NTN1: variants seen among roughly 807,000 people sequenced by gnomAD.
NTN1 encodes the protein netrin 1, also known as netrin-1.
Under a neutral mutation model 54.2 loss-of-function variants are expected in NTN1, and 11 were observed. The ratio of observed to expected loss-of-function variants is 0.20; its 90% CI spans 0.13 to 0.34. The LOEUF is 0.34. Among genes scored for constraint, NTN1 ranks in the 10% least tolerant of loss-of-function variants. The pLI, the probability that NTN1 is intolerant of heterozygous loss-of-function variation, is 1.00. For synonymous variants in NTN1, 371 were observed against 382.0 expected (o/e 0.97, Z 0.33); for missense variants, 740 against 893.1 (o/e 0.83, Z 2.18).
chr17:9,114,742 A>T (rs1182612589), intron 2 of NTN1, among the ~76,000 whole-genome samples: 1 of 152,234 alleles, frequency 6.6e-6, no homozygotes, highest in East Asian at 1.9e-4. Context: ...CAACAGAGCG[A>T]GACTGTGTCT....
intron 2 of NTN1, among the ~76,000 whole-genome samples, chr17:9,044,618 C>T (rs1239500439): frequency 1.3e-5 from 2 of 152,006 alleles, no homozygotes; most frequent in Non-Finnish European, 1.5e-5. Flanking sequence ...TGTCAGTGTT[C>T]CGCAGGAATT....
intron 2 of NTN1, among the ~76,000 whole-genome samples, chr17:9,032,548 C>T (rs1461833890): frequency 6.6e-6 from 1 of 152,234 alleles, no homozygotes; most frequent in East Asian, 1.9e-4. Context: ...ATCTCCGTCA[C>T]AAACCACTGC....
intron 2 of NTN1, among the ~76,000 whole-genome samples, chr17:9,083,401 T>C (rs1195867246): frequency 6.6e-6 from 1 of 152,258 alleles, no homozygotes; most frequent in Admixed American, 6.5e-5. Context: ...CAGCTGATTG[T>C]CTGTGGTTTT....
intron 5 of NTN1, among the ~76,000 whole-genome samples, chr17:9,209,631 G>A (rs964676849): frequency 7.9e-5 from 12 of 152,298 alleles, no homozygotes; most frequent in African/African-American, 2.4e-4. Flanking sequence ...AAAGGGCAGG[G>A]CTTCCCTGGG....
chr17:9,067,325 C>T (rs946818878), intron 2 of NTN1, among the ~76,000 whole-genome samples: 1 of 151,428 alleles, frequency 6.6e-6, no homozygotes, highest in Non-Finnish European at 1.5e-5. Context: ...TCTCCTAAGG[C>T]TATTAAATAC....
At chr17:9,010,136 C>T in the NTN1 span, among the ~76,000 whole-genome samples, 2 of 152,188 alleles carry the variant, frequency 1.3e-5, no homozygotes, top group East Asian at 1.9e-4. Context: ...TCAGCAGTCA[C>T]CATGTCCCCA....
At chr17:9,136,273 TAAGAA>T (rs2092281026) in intron 2 of NTN1, among the ~76,000 whole-genome samples, 3 of 152,280 alleles carry the variant, frequency 2.0e-5, no homozygotes, top group Admixed American at 6.5e-5. Context: ...ATAACACTGT[TAAGAA>T]AAGAGTATAG....
At chr17:9,192,154 C>T (rs1238287323) in intron 5 of NTN1, among the ~76,000 whole-genome samples, 1 of 152,154 alleles carries the variant, frequency 6.6e-6, no homozygotes, top group African/African-American at 2.4e-5. Context: ...GTATCCATGA[C>T]CCCATCAGTT....
At chr17:9,204,937 T>TA (rs1436852386) in intron 5 of NTN1, among the ~76,000 whole-genome samples, 3 of 151,814 alleles carry the variant, frequency 2.0e-5, no homozygotes, top group Non-Finnish European at 4.4e-5. Context: ...CATTTTTTTT[T>TA]TTTTCTGAAG....
intron 2 of NTN1, among the ~76,000 whole-genome samples, chr17:9,045,275 T>A (rs566942563): frequency 1.3e-5 from 2 of 152,308 alleles, no homozygotes; most frequent in East Asian, 3.9e-4. Context: ...CAAAGGGGAT[T>A]TGCTGAAATA....
chr17:9,181,547 T>G (rs1393590131), intron 4 of NTN1, among the ~76,000 whole-genome samples: 1 of 152,192 alleles, frequency 6.6e-6, no homozygotes, highest in Middle Eastern at 3.2e-3. Context: ...GGTTTGTTGT[T>G]GCTAATACAG....
At chr17:9,077,846 T>A (rs2092056532) in intron 2 of NTN1, among the ~76,000 whole-genome samples, 1 of 152,178 alleles carries the variant, frequency 6.6e-6, no homozygotes, top group Admixed American at 6.5e-5. Flanking sequence ...AGGACCGGTG[T>A]TCAATGAATG....
chr17:9,110,596 G>A (rs538379274), intron 2 of NTN1, among the ~76,000 whole-genome samples: 36 of 152,196 alleles, frequency 2.4e-4, no homozygotes, highest in African/African-American at 8.2e-4. Context: ...TTCTATCTAG[G>A]TGTGCTAGCT....
At chr17:9,072,297 CAAG>C (rs2092034676) in intron 2 of NTN1, among the ~76,000 whole-genome samples, 1 of 151,392 alleles carries the variant, frequency 6.6e-6, no homozygotes, top group Non-Finnish European at 1.5e-5. Context: ...GACTGTCTGC[CAAG>C]AAGGACCATT....
chr17:9,011,156 T>C, the NTN1 span, among the ~76,000 whole-genome samples: 1 of 152,112 alleles, frequency 6.6e-6, no homozygotes, highest in Non-Finnish European at 1.5e-5. Context: ...ATGCGAGCGA[T>C]GGGGAGTGGT....
At chr17:9,204,174 C>T (rs890619941) in intron 5 of NTN1, among the ~76,000 whole-genome samples, 5 of 125,676 alleles carry the variant, frequency 4.0e-5, no homozygotes, top group Admixed American at 3.8e-4. Flanking sequence ...CCCTTAGTAA[C>T]CGTTCCTTCC....
intron 2 of NTN1, among the ~76,000 whole-genome samples, chr17:9,106,495 T>C (rs565255448): frequency 2.7e-4 from 39 of 143,282 alleles, no homozygotes; most frequent in African/African-American, 9.7e-4. Context: ...CTTCCTTCCT[T>C]CCTTCCTTCC....
intron 2 of NTN1, among the ~76,000 whole-genome samples, chr17:9,137,510 C>T (rs115026807): frequency 0.016 from 2,397 of 152,210 alleles, 61 homozygotes; most frequent in African/African-American, 0.053. Context: ...AGTTGACCGG[C>T]GGCCTGGCAC....
chr17:9,093,171 G>A (rs2092118768), intron 2 of NTN1, among the ~76,000 whole-genome samples: 1 of 152,210 alleles, frequency 6.6e-6, no homozygotes, highest in African/African-American at 2.4e-5. Flanking sequence ...GCGATTACAG[G>A]CGTGAGCCAC....
Sources: gnomAD v4.1 joint callset for allele counts (sites outside exome capture counted in the v4.1 genomes callset) on GRCh38, gnomAD v4.1.1 for gene constraint, MANE v1.5 for transcripts, NCBI Gene and HGNC (gene_info 2026-07-23, HGNC 2026-07-21) for gene names.